Variants in RELN observed in about 807,000 individuals in gnomAD.
The protein encoded by RELN is reelin.
RELN carries 108 observed loss-of-function variants against 427.6 expected under a neutral mutation model. That is an observed-to-expected ratio of 0.25 (90% CI 0.22 to 0.30). RELN has a LOEUF of 0.30. Among genes scored for constraint, RELN ranks in the 10% least tolerant of loss-of-function variants. The pLI, the probability that RELN is intolerant of heterozygous loss-of-function variation, is 1.00. For synonymous variants in RELN, 1,524 were observed against 1,513.4 expected (o/e 1.01, Z -0.16); for missense variants, 3,715 against 4,302.8 (o/e 0.86, Z 3.82).
intron 8 of RELN, among the ~76,000 whole-genome samples, chr7:103,712,565 A>T (rs1313010861): frequency 6.6e-6 from 1 of 152,240 alleles, no homozygotes; most frequent in Non-Finnish European, 1.5e-5. Context: ...GCAGCACTCT[A>T]TAATCCAACA....
intron 2 of RELN, among the ~76,000 whole-genome samples, chr7:103,839,051 T>A (rs1169414990): frequency 6.6e-6 from 1 of 152,218 alleles, no homozygotes; most frequent in Non-Finnish European, 1.5e-5. Context: ...AATTCTAATG[T>A]CTAGCCAATA....
At chr7:103,858,824 G>T (rs2116485625) in intron 2 of RELN, among the ~76,000 whole-genome samples, 1 of 152,254 alleles carries the variant, frequency 6.6e-6, no homozygotes, top group South Asian at 2.1e-4. Context: ...ACAAATTTTA[G>T]TTACCAATGA....
chr7:103,685,500 T>C (rs1012439712), intron 10 of RELN, among the ~76,000 whole-genome samples: 1 of 152,140 alleles, frequency 6.6e-6, no homozygotes, highest in African/African-American at 2.4e-5. Context: ...GATTGACATA[T>C]GGTGAATATA....
intron 3 of RELN, among the ~76,000 whole-genome samples, chr7:103,784,350 A>G (rs573944218): frequency 6.6e-6 from 1 of 152,274 alleles, no homozygotes; most frequent in Admixed American, 6.6e-5. Flanking sequence ...AGATTAAAAA[A>G]TTCCTCAGCA....
chr7:103,737,543 GGCTAA>G (rs1264316145), intron 6 of RELN, among the ~76,000 whole-genome samples: 1 of 152,064 alleles, frequency 6.6e-6, no homozygotes, highest in Non-Finnish European at 1.5e-5. Context: ...TTCGTTTGTG[GGCTAA>G]GCTATTATTA....
chr7:103,910,336 T>A (rs1475128709), intron 2 of RELN, among the ~76,000 whole-genome samples: 1 of 147,920 alleles, frequency 6.8e-6, no homozygotes, highest in Non-Finnish European at 1.5e-5. Flanking sequence ...GTTTTCTAGA[T>A]ATACAATCAT....
chr7:103,479,923 C>T (rs1275727685), intron 63 of RELN, among the ~76,000 whole-genome samples: 2 of 151,874 alleles, frequency 1.3e-5, no homozygotes, highest in African/African-American at 2.4e-5. Context: ...TGCACAGAAG[C>T]GAAACTATGG....
chr7:103,566,457 A>G (rs766232796), intron 32 of RELN, 45 bp from the exon 33 acceptor site: 1 of 1,595,350 alleles, frequency 6.3e-7, no homozygotes, highest in South Asian at 1.1e-5. Flanking sequence ...TTTGTTACAT[A>G]GCAATATGAA....
At chr7:103,729,105 A>T (rs913429492) in intron 6 of RELN, among the ~76,000 whole-genome samples, 1 of 152,160 alleles carries the variant, frequency 6.6e-6, no homozygotes, top group Non-Finnish European at 1.5e-5. Context: ...ACCTACAATC[A>T]TTACATTCCT....
intron 3 of RELN, among the ~76,000 whole-genome samples, chr7:103,808,805 A>G (rs886981218): frequency 3.9e-5 from 6 of 152,170 alleles, no homozygotes; most frequent in African/African-American, 1.2e-4. Context: ...AGATCTATCC[A>G]GAATGTTTAA....
At chr7:103,872,079 A>C (rs1258577548) in intron 2 of RELN, among the ~76,000 whole-genome samples, 1 of 113,510 alleles carries the variant, frequency 8.8e-6, no homozygotes, top group Non-Finnish European at 1.9e-5. Flanking sequence ...TTTTTTTATT[A>C]TACTTTAAGT....
intron 6 of RELN, among the ~76,000 whole-genome samples, chr7:103,729,616 T>C (rs1790302147): frequency 1.3e-5 from 2 of 152,154 alleles, no homozygotes; most frequent in Admixed American, 1.3e-4. Context: ...TTGGTTACTG[T>C]GAAGCAAGAC....
intron 2 of RELN, among the ~76,000 whole-genome samples, chr7:103,906,255 T>G (rs1192084850): frequency 1.3e-5 from 2 of 152,136 alleles, no homozygotes; most frequent in Non-Finnish European, 2.9e-5. Context: ...GGGCTCAGTC[T>G]GAATTACAGC....
rs3051647 is a variant in RELN at position 103,489,203 on chromosome 7, GGTGTGTGTGTGT to G, written c.9763+527_9763+538del. 2.4e-4 allele frequency among the ~76,000 whole-genome samples: 35 copies of G among 147,868 alleles called. 1 individual carries two copies. Among genetic ancestry groups the G allele is most frequent in the East Asian group, 8.0e-4 (4 of 4,984 alleles). On this transcript the variant is annotated intron_variant, in intron 60 of 64. Coordinates refer to ENST00000428762, the MANE Select transcript of RELN (RefSeq NM_005045.4). ...AATGTATTTCTTTGAGTCATAAAGG[GGTGTGTGTGTGT>G]GTGTGTGTGTGTGTCCGTGTCACAG...
intron 7 of RELN, among the ~76,000 whole-genome samples, chr7:103,727,128 C>G (rs140793866): frequency 1.1e-3 from 160 of 152,194 alleles, no homozygotes; most frequent in African/African-American, 3.8e-3. Flanking sequence ...TTTAATTGCC[C>G]ATCTAGGCAC....
intron 30 of RELN, among the ~76,000 whole-genome samples, chr7:103,572,849 A>G (rs745996376): frequency 3.3e-5 from 5 of 152,188 alleles, no homozygotes; most frequent in African/African-American, 7.2e-5. Flanking sequence ...CTCAAGATGA[A>G]GATTTTTTAA....
At chr7:103,553,936 G>A (rs1830469685) in intron 38 of RELN, 105 bp from the exon 39 acceptor site, 2 of 932,642 alleles carry the variant, frequency 2.1e-6, no homozygotes, top group Admixed American at 1.9e-5. Context: ...AGTAACAATA[G>A]GTTAAACATA....
At chr7:103,657,289 C>G (rs1461495667) in intron 12 of RELN, among the ~76,000 whole-genome samples, 2 of 151,884 alleles carry the variant, frequency 1.3e-5, no homozygotes. Flanking sequence ...CTACTAAAGC[C>G]ATTGTAATTG....
chr7:103,664,970 T>C (rs1833227098), intron 11 of RELN, among the ~76,000 whole-genome samples: 1 of 152,142 alleles, frequency 6.6e-6, no homozygotes, highest in Admixed American at 6.6e-5. Context: ...AATTTATCTA[T>C]CTTTTCTCTA....
Sources: gnomAD v4.1 joint callset for allele counts (sites outside exome capture counted in the v4.1 genomes callset) on GRCh38, gnomAD v4.1.1 for gene constraint, MANE v1.5 for transcripts, NCBI Gene and HGNC (gene_info 2026-07-23, HGNC 2026-07-21) for gene names.